The following EYS variants were observed in gnomAD, a reference collection of about 807,000 sequenced individuals.
EYS encodes the protein EGF-like photoreceptor maintenance factor, also known as protein eyes shut homolog.
In EYS, 250 loss-of-function variants were observed where a neutral mutation model predicts 282.1. The observed-to-expected ratio is 0.89, with a 90% CI of 0.80 to 0.98. The LOEUF is 0.98. Among genes scored for constraint, EYS ranks in the 50% least tolerant of loss-of-function variants. The pLI is 0.00. For missense variants in EYS, 4,016 were observed against 3,709.0 expected, an observed-to-expected ratio of 1.08 and a Z score of -2.15; for synonymous variants, 1,355 against 1,282.9, an observed-to-expected ratio of 1.06 and a Z score of -1.20.
chr6:64,941,348 C>A (rs12055728), intron 15 of EYS, among the ~76,000 whole-genome samples: 5,500 of 152,080 alleles, frequency 0.036, 156 homozygotes, highest in East Asian at 0.14. Flanking sequence ...CCACTGCACT[C>A]CAGCCTGGAA....
chr6:65,273,785 A>G (rs1047213158), intron 12 of EYS, among the ~76,000 whole-genome samples: 1 of 152,162 alleles, frequency 6.6e-6, no homozygotes, highest in Non-Finnish European at 1.5e-5. Flanking sequence ...AGGTCTGCTT[A>G]TAAAAACCCC....
chr6:64,014,814 C>A (rs192699301), intron 33 of EYS, among the ~76,000 whole-genome samples: 226 of 150,620 alleles, frequency 1.5e-3, no homozygotes, highest in Middle Eastern at 6.8e-3. Flanking sequence ...GTTTTAGGTA[C>A]ACCACTTCCC....
chr6:64,493,942 G>T (rs1025178389), intron 26 of EYS, among the ~76,000 whole-genome samples: 1 of 151,512 alleles, frequency 6.6e-6, no homozygotes, highest in Non-Finnish European at 1.5e-5. Flanking sequence ...AGGATATACA[G>T]GAACTCCAAT....
chr6:64,027,344 C>T (rs932695398), intron 33 of EYS, among the ~76,000 whole-genome samples: 80 of 152,174 alleles, frequency 5.3e-4, no homozygotes, highest in Non-Finnish European at 6.6e-4. Context: ...AGAAAATATA[C>T]TCCCCTGTCA....
chr6:64,006,096 C>T (rs1297793810), intron 33 of EYS, among the ~76,000 whole-genome samples: 1 of 152,192 alleles, frequency 6.6e-6, no homozygotes, highest in Non-Finnish European at 1.5e-5. Flanking sequence ...TCTTCTTAAT[C>T]ATGAGCATTG....
chr6:64,046,946 G>A (rs1030999827), intron 33 of EYS, among the ~76,000 whole-genome samples: 1 of 152,178 alleles, frequency 6.6e-6, no homozygotes, highest in Non-Finnish European at 1.5e-5. Flanking sequence ...GAAGGTTGTA[G>A]AGCAGAGGTC....
intron 12 of EYS, among the ~76,000 whole-genome samples, chr6:65,127,301 TAATG>T (rs1447262399): frequency 6.6e-6 from 1 of 152,262 alleles, no homozygotes; most frequent in East Asian, 1.9e-4. Context: ...TTTCTAGAAA[TAATG>T]TATGTATTTA....
intron 31 of EYS, among the ~76,000 whole-genome samples, chr6:64,176,245 C>A (rs1412366028): frequency 6.6e-6 from 1 of 151,944 alleles, no homozygotes; most frequent in African/African-American, 2.4e-5. Context: ...TACTCTGAAT[C>A]AAAGGAGAAC....
intron 12 of EYS, among the ~76,000 whole-genome samples, chr6:65,129,604 A>G (rs1775811084): frequency 1.3e-5 from 2 of 152,182 alleles, no homozygotes; most frequent in Middle Eastern, 3.4e-3. Flanking sequence ...TATCAAAACC[A>G]CAATGAGATA....
At chr6:64,183,981 A>G (rs934188219) in intron 31 of EYS, among the ~76,000 whole-genome samples, 1 of 152,118 alleles carries the variant, frequency 6.6e-6, no homozygotes, top group South Asian at 2.1e-4. Context: ...TGTAAGCAAA[A>G]TACTCCCATC....
chr6:64,681,281 T>G (rs151201877), intron 22 of EYS, among the ~76,000 whole-genome samples: 195 of 152,272 alleles, frequency 1.3e-3, no homozygotes, highest in Middle Eastern at 6.8e-3. Context: ...GAGTAGAATT[T>G]TTTATTGTAT....
intron 12 of EYS, among the ~76,000 whole-genome samples, chr6:65,090,128 T>C (rs1330502592): frequency 6.6e-6 from 1 of 151,998 alleles, no homozygotes; most frequent in African/African-American, 2.4e-5. Flanking sequence ...TGTCTCTGTG[T>C]CACCACCCAA....
At chr6:64,022,939 G>A (rs1280995696) in intron 33 of EYS, among the ~76,000 whole-genome samples, 1 of 152,136 alleles carries the variant, frequency 6.6e-6, no homozygotes, top group Non-Finnish European at 1.5e-5. Context: ...CAAATAAAAC[G>A]TTTTATATTT....
intron 32 of EYS, among the ~76,000 whole-genome samples, chr6:64,080,211 C>T (rs1771916429): frequency 1.3e-5 from 2 of 152,184 alleles, no homozygotes; most frequent in Non-Finnish European, 2.9e-5. Context: ...CACATCCTCT[C>T]CAGTACCTGT....
At chr6:64,801,664 A>G (rs1260406253) in intron 22 of EYS, among the ~76,000 whole-genome samples, 2 of 152,196 alleles carry the variant, frequency 1.3e-5, no homozygotes, top group African/African-American at 4.8e-5. Context: ...TCTTTTATTT[A>G]AAATGAAAAG....
intron 22 of EYS, among the ~76,000 whole-genome samples, chr6:64,799,854 A>G (rs1241087284): frequency 2.0e-5 from 3 of 151,938 alleles, no homozygotes; most frequent in African/African-American, 7.2e-5. Flanking sequence ...GTTTCTTTAG[A>G]GTAAGCAAAG....
chr6:65,600,215 A>G (rs1244155428), intron 2 of EYS, among the ~76,000 whole-genome samples: 1 of 152,096 alleles, frequency 6.6e-6, no homozygotes, highest in Non-Finnish European at 1.5e-5. Flanking sequence ...TCTGAGTCCT[A>G]TTGTAACTCT....
intron 5 of EYS, among the ~76,000 whole-genome samples, chr6:65,479,004 G>A (rs1418096546): frequency 6.6e-6 from 1 of 151,850 alleles, no homozygotes; most frequent in Non-Finnish European, 1.5e-5. Flanking sequence ...TATCTAATCT[G>A]TAGAATAGTG....
chr6:65,200,064 G>A (rs1254609117), intron 12 of EYS, among the ~76,000 whole-genome samples: 4 of 152,112 alleles, frequency 2.6e-5, no homozygotes, highest in African/African-American at 9.7e-5. Flanking sequence ...GGCTCAAGAC[G>A]ATAACAGTGA....
Sources: gnomAD v4.1 joint callset for allele counts (sites outside exome capture counted in the v4.1 genomes callset) on GRCh38, gnomAD v4.1.1 for gene constraint, MANE v1.5 for transcripts, NCBI Gene and HGNC (gene_info 2026-07-23, HGNC 2026-07-21) for gene names.